Variants in DNAAF1 observed in about 807,000 individuals in gnomAD.
The protein encoded by DNAAF1 is dynein axonemal assembly factor 1.
Under a neutral mutation model 71.1 loss-of-function variants are expected in DNAAF1, and 65 were observed. The ratio of observed to expected loss-of-function variants is 0.91; its 90% confidence interval spans 0.75 to 1.12. The LOEUF is 1.12. Ranked by LOEUF, DNAAF1 falls within the 50% of genes most tolerant of loss-of-function variation. The pLI, the probability that DNAAF1 is intolerant of heterozygous loss-of-function variation, is 0.00. For missense variants in DNAAF1, 1,178 were observed against 899.8 expected, an observed-to-expected ratio of 1.31 and a Z score of -3.96; for synonymous variants, 414 against 354.6, an observed-to-expected ratio of 1.17 and a Z score of -1.88.
intron 7 of DNAAF1, among the ~76,000 whole-genome samples, chr16:84,167,786 C>G (rs572029336): frequency 1.9e-3 from 289 of 152,188 alleles, no homozygotes; most frequent in Admixed American, 3.0e-3. Flanking sequence ...GAGGCTGAGG[C>G]GGGTGGATCA....
intron 6 of DNAAF1, among the ~76,000 whole-genome samples, chr16:84,164,953 A>G (rs960174205): frequency 5.9e-5 from 9 of 152,116 alleles, no homozygotes; most frequent in South Asian, 2.1e-4. Flanking sequence ...GATTTTAGCC[A>G]TCTTGTAGCC....
chr16:84,151,128 G>A (rs985071377), intron 3 of DNAAF1, among the ~76,000 whole-genome samples: 2 of 152,146 alleles, frequency 1.3e-5, no homozygotes, highest in Non-Finnish European at 2.9e-5. Flanking sequence ...TTCCCAGCCT[G>A]AGGGCTTCCA....
intron 8 of DNAAF1, 102 bp downstream of exon 8, chr16:84,170,458 T>C: frequency 6.4e-7 from 1 of 1,554,314 alleles, no homozygotes; most frequent in Non-Finnish European, 8.8e-7. Flanking sequence ...TTTCACTTCT[T>C]CTGTATTGCT....
chr16:84,170,704 C>A (rs1031800583), intron 8 of DNAAF1, among the ~76,000 whole-genome samples: 1 of 152,074 alleles, frequency 6.6e-6, no homozygotes, highest in Non-Finnish European at 1.5e-5. Flanking sequence ...TTGTGGTGTG[C>A]CCCTGTAGTC....
Position 84,177,821 on chromosome 16 carries a change from C to G in DNAAF1, c.2158C>G (p.Pro720Ala). ...ALPTWDLTAF[P>A]APKAS ...GCCCACGTGGGACCTCACTGCATTC[C>G]CAGCACCGAAAGCATCATAGTTTTC... Residue 720 changes from proline (P) to alanine (A), a missense_variant, in exon 12 of 12, where the codon CCA becomes GCA. By Grantham distance (27) the Pro-to-Ala change is conservative. Transcript: ENST00000378553. The G allele has an allele frequency of 6.2e-7, 1 of 1,613,848 alleles. No homozygotes were observed. The highest frequency in any genetic ancestry group is 8.5e-7 in the Non-Finnish European group (1 of 1,179,798).
Position 84,170,437 on chromosome 16 carries a change from T to A in DNAAF1, c.1528+81T>A, listed in dbSNP as rs4578631. On this transcript the variant is annotated intron_variant, in intron 8 of 11. Transcript: ENST00000378553. ...CTTCGACTCACGTCTCTGTGGGACC[T>A]GGGGCCTGAGTTTCACTTCTTCTGT... 554,682 of 1,598,784 alleles carry A rather than the reference T, an allele frequency of 0.35. 99,526 individuals carry two copies. Among genetic ancestry groups the A allele is most frequent in the Non-Finnish European group, 0.37 (433,216 of 1,172,366 alleles).
Position 84,145,360 on chromosome 16 carries a change from G to T in DNAAF1, c.-81G>T. On this transcript the variant is annotated 5_prime_UTR_variant, in exon 1 of 12. Coordinates refer to ENST00000378553, the MANE Select transcript of DNAAF1 (RefSeq NM_178452.6). ...GAAGAAGGAAAGAGGGTACTCTCTG[G>T]CTGGGCTGGGGCCGTAGCGACGTCC... 6.5e-7 allele frequency: 1 copy of T among 1,543,140 alleles called. No homozygotes were observed. The highest frequency in any genetic ancestry group is 8.7e-7 in the Non-Finnish European group (1 of 1,145,918).
At chr16:84,147,090 C>G (rs182018309) in intron 1 of DNAAF1, among the ~76,000 whole-genome samples, 1 of 152,304 alleles carries the variant, frequency 6.6e-6, no homozygotes, top group East Asian at 1.9e-4. Context: ...GAGCCTTAGT[C>G]TCCTCATCTG....
chr16:84,169,918 G>A lies in DNAAF1; in HGVS notation c.1090G>A (p.Glu364Lys). The change falls in exon 8 of 12, where the codon GAG becomes AAG. Residue 364 changes from glutamate (E) to lysine (K), a missense_variant. Glu to Lys is a moderately conservative substitution (Grantham distance 56). Coordinates refer to ENST00000378553, the MANE Select transcript of DNAAF1 (RefSeq NM_178452.6). ...NVPASAEGKE[E>K]PPGDRETRQK... ...GCCCGCCAGTGCGGAAGGCAAGGAG[G>A]AGCCTCCCGGGGACAGAGAAACAAG... 3.1e-6 allele frequency: 5 copies of A among 1,614,148 alleles called. No homozygotes were observed. The highest frequency in any genetic ancestry group is 4.2e-6 in the Non-Finnish European group (5 of 1,180,024).
chr16:84,149,707 A>C (rs995821450), intron 2 of DNAAF1, among the ~76,000 whole-genome samples: 14 of 151,080 alleles, frequency 9.3e-5, no homozygotes, highest in Admixed American at 7.9e-4. Context: ...AAAAAAAAAA[A>C]AACATACATT....
In DNAAF1 at chr16:84,170,181, AC is replaced by A; in HGVS notation, c.1355del (p.Pro452LeufsTer28). On this transcript the variant is annotated frameshift_variant, in exon 8 of 12. Transcript: ENST00000378553. LOFTEE classifies it high-confidence loss of function. ...LPAEAPPPPP[P>X]VEVKGEDGDQ... ...CAGCTGAGGCCCCACCACCCCCGCC[AC>A]CTGTGGAGGTTAAAGGAGAGGATGG... 1 of 1,533,106 alleles carries A rather than the reference AC, an allele frequency of 6.5e-7. No homozygotes were observed. The highest frequency in any genetic ancestry group is 8.8e-7 in the Non-Finnish European group (1 of 1,139,638). 95.0% of individuals were successfully genotyped at this position (1,533,106 alleles called of 1,614,324 possible).
At chr16:84,173,577 T>C (rs1190121362) in intron 9 of DNAAF1, 1 of 976,828 alleles carries the variant, frequency 1.0e-6, no homozygotes, top group East Asian at 1.1e-4. Flanking sequence ...CTTACACCTG[T>C]AATCCCAGCA....
At chr16:84,175,388 G>A (rs897201779) in intron 10 of DNAAF1, 1 of 182,492 alleles carries the variant, frequency 5.5e-6, no homozygotes, top group Non-Finnish European at 1.2e-5. Context: ...GGAAAGAAAG[G>A]GGTGAGTCTG....
rs1436318201 is a variant in DNAAF1, at chr16:84,177,846, C to A, written c.*5C>A. The A allele has an allele frequency of 1.9e-6, 3 of 1,609,882 alleles. No individual in the cohort carries two copies. The highest frequency in any genetic ancestry group is 2.6e-6 in the Non-Finnish European group (3 of 1,176,306). ...CCAGCACCGAAAGCATCATAGTTTT[C>A]CCCAGTTATATGTAGCATAAATGGT... On this transcript the variant is annotated 3_prime_UTR_variant, in exon 12 of 12. Transcript: ENST00000378553.
rs778916785 is a variant in DNAAF1 at position 84,156,851 on chromosome 16, C to CTTTTTTTTTTTT, written c.741+1110_741+1121dup. 5.4e-4 allele frequency among the ~76,000 whole-genome samples: 60 copies of CTTTTTTTTTTTT among 111,814 alleles called. 1 individual carries two copies. Among genetic ancestry groups the CTTTTTTTTTTTT allele is most frequent in the African/African-American group, 1.0e-3 (29 of 27,768 alleles). The allele number at this position is 111,814 out of a possible 152,430, so 73.4% of individuals were successfully genotyped here. ...TTCCTTTCCTTTTCTTTCTTTCTTT[C>CTTTTTTTTTTTT]TTTTTTTTTTTTTTTTTTTGAGACA... is the stretch of plus-strand genomic sequence containing the variant. On this transcript the variant is annotated intron_variant, in intron 5 of 11. Coordinates refer to ENST00000378553, the MANE Select transcript of DNAAF1 (RefSeq NM_178452.6).
At chr16:84,149,169 C>T in intron 2 of DNAAF1, 27 bp downstream of exon 2, 1 of 1,613,548 alleles carries the variant, frequency 6.2e-7, no homozygotes, top group Non-Finnish European at 8.5e-7. Flanking sequence ...CTAATTAGTG[C>T]ACATTTATGG....
intron 3 of DNAAF1, among the ~76,000 whole-genome samples, chr16:84,153,780 A>T (rs1042368667): frequency 6.6e-6 from 1 of 152,194 alleles, no homozygotes; most frequent in African/African-American, 2.4e-5. Context: ...ACTGAAAAAG[A>T]GAACAAAACA....
chr16:84,164,537 G>A (rs1271236904), intron 6 of DNAAF1, among the ~76,000 whole-genome samples: 4 of 152,162 alleles, frequency 2.6e-5, no homozygotes, highest in African/African-American at 9.7e-5. Flanking sequence ...TTTATGGACT[G>A]GCTTCTTTCA....
chr16:84,174,170 C>G lies in DNAAF1; in HGVS notation c.1645-499C>G, dbSNP rs560124064. On this transcript the variant is annotated intron_variant, in intron 9 of 11. Transcript: ENST00000378553. ...CTAGGCACCGTGGCTCCAGTTCATGCATCCAACCACACACTATGCTGCCTC... is the reference window on the plus strand; with the variant it reads ...CTAGGCACCGTGGCTCCAGTTCATGGATCCAACCACACACTATGCTGCCTC... The G allele has an allele frequency of 5.4e-5, 54 of 1,001,594 alleles. No homozygotes were observed. In the African/African-American group the frequency reaches 8.5e-4, roughly 16 times the overall value. 62.0% of individuals were successfully genotyped at this position (1,001,594 alleles called of 1,614,324 possible). A position where few individuals can be genotyped will look rare whatever the true frequency, so the allele number is the denominator to read the frequency against.
Sources: allele counts gnomAD v4.1 joint callset (sites outside exome capture counted in the v4.1 genomes callset), GRCh38; gene constraint gnomAD v4.1.1; transcripts MANE v1.5; gene names NCBI Gene and HGNC (gene_info 2026-07-23, HGNC 2026-07-21).